GRM8: variants seen among roughly 807,000 people sequenced by gnomAD.
GRM8 encodes the protein metabotropic glutamate receptor 8.
A neutral mutation model predicts 87.2 loss-of-function variants in GRM8; 47 were observed. That is an observed-to-expected ratio of 0.54 (90% confidence interval 0.43 to 0.69). The LOEUF (loss-of-function observed/expected upper bound fraction) is 0.69. Among genes scored for constraint, GRM8 ranks in the 30% least tolerant of loss-of-function variants. GRM8 has a pLI of 0.00. For missense variants in GRM8, 1,019 were observed against 1,139.2 expected (o/e 0.89, Z 1.52); for synonymous variants, 396 against 404.5 (o/e 0.98, Z 0.25).
At chr7:126,935,458 G>C (rs1365128480) in intron 3 of GRM8, among the ~76,000 whole-genome samples, 1 of 152,200 alleles carries the variant, frequency 6.6e-6, no homozygotes, top group East Asian at 1.9e-4. Context: ...TCAACACCTA[G>C]GCAGGATGGC....
intron 3 of GRM8, among the ~76,000 whole-genome samples, chr7:127,006,227 C>G (rs1814282515): frequency 6.6e-6 from 1 of 151,964 alleles, no homozygotes; most frequent in Non-Finnish European, 1.5e-5. Flanking sequence ...ACCAACTCTT[C>G]ACAGCGCACT....
intron 3 of GRM8, among the ~76,000 whole-genome samples, chr7:127,048,176 C>T (rs903428292): frequency 2.0e-5 from 3 of 152,152 alleles, no homozygotes; most frequent in Admixed American, 2.0e-4. Context: ...GGGGAAAGAA[C>T]TACAGTTGTG....
intron 6 of GRM8, among the ~76,000 whole-genome samples, chr7:126,866,541 C>T (rs1798604319): frequency 6.8e-6 from 1 of 146,452 alleles, no homozygotes; most frequent in Non-Finnish European, 1.5e-5. Context: ...CTTTATGGCT[C>T]CAGATCTTAC....
At chr7:126,583,979 T>C (rs1040752467) in intron 8 of GRM8, among the ~76,000 whole-genome samples, 4 of 152,174 alleles carry the variant, frequency 2.6e-5, no homozygotes, top group Admixed American at 1.3e-4. Context: ...TCCATTTATA[T>C]GGCAAACTCA....
intron 3 of GRM8, among the ~76,000 whole-genome samples, chr7:126,957,723 G>T (rs1047919188): frequency 1.1e-4 from 16 of 152,232 alleles, no homozygotes; most frequent in Non-Finnish European, 1.2e-4. Flanking sequence ...GGATGGCGGT[G>T]GCTCAGTGTG....
intron 2 of GRM8, among the ~76,000 whole-genome samples, chr7:127,215,660 T>C (rs1796483469): frequency 6.6e-6 from 1 of 152,242 alleles, no homozygotes; most frequent in Non-Finnish European, 1.5e-5. Context: ...TTTTGTGAGC[T>C]TAGCTACATA....
In GRM8 at chr7:126,616,853, A is replaced by T. The variant is rs1010046611; in HGVS notation, c.1358-7355T>A. On this transcript the variant is annotated intron_variant, in intron 7 of 10. Transcript: ENST00000339582. ...AGAACTTGAATCCCTGAACAGACCA[A>T]TAACAGGCTCTGAAATTGAGGCAAT... 3.3e-5 allele frequency among the ~76,000 whole-genome samples: 5 copies of T among 152,220 alleles called. No homozygotes were observed. In the South Asian group the frequency reaches 8.3e-4, roughly 25 times the overall value.
chr7:126,572,982 A>T (rs1794808679), intron 8 of GRM8, among the ~76,000 whole-genome samples: 1 of 152,222 alleles, frequency 6.6e-6, no homozygotes, highest in African/African-American at 2.4e-5. Context: ...TGGAAACAAC[A>T]TTAAAATTTT....
intron 8 of GRM8, among the ~76,000 whole-genome samples, chr7:126,579,843 TG>T (rs1562972402): frequency 6.6e-6 from 1 of 152,120 alleles, no homozygotes; most frequent in Non-Finnish European, 1.5e-5. Flanking sequence ...TGTTAATCAA[TG>T]TTATAGAAAA....
At chr7:126,490,160 G>A (rs10248421) in intron 9 of GRM8, among the ~76,000 whole-genome samples, 6,110 of 152,054 alleles carry the variant, frequency 0.04, 388 homozygotes, top group African/African-American at 0.13. Flanking sequence ...CTATATCTGC[G>A]GCCTACTGGT....
Position 126,566,373 on chromosome 7 carries a change from C to T in GRM8, c.1495-32486G>A, listed in dbSNP as rs1012757071. ...AAAATATAGGCAGAATAGTTGAATA[C>T]ACATTTATCCAAAGAAGATCTACAA... On this transcript the variant is annotated intron_variant, in intron 8 of 10. Transcript: ENST00000339582. Among the ~76,000 whole-genome samples, 7 of 152,136 alleles carry T rather than the reference C, an allele frequency of 4.6e-5. 1 individual carries two copies. In the East Asian group the frequency reaches 1.4e-3, roughly 29 times the overall value.
chr7:126,686,733 C>T (rs897210007), intron 7 of GRM8, among the ~76,000 whole-genome samples: 1 of 152,294 alleles, frequency 6.6e-6, no homozygotes, highest in Non-Finnish European at 1.5e-5. Flanking sequence ...AGGATCCAGG[C>T]CAGTAGTGTA....
intron 3 of GRM8, among the ~76,000 whole-genome samples, chr7:126,994,751 GT>G (rs200902402): frequency 7.3e-5 from 11 of 150,476 alleles, no homozygotes; most frequent in Non-Finnish European, 1.5e-4. Context: ...AGATTTCTAA[GT>G]TTTTTTTTTA....
At chr7:126,581,678 C>T (rs1187361377) in intron 8 of GRM8, among the ~76,000 whole-genome samples, 1 of 151,984 alleles carries the variant, frequency 6.6e-6, no homozygotes, top group Non-Finnish European at 1.5e-5. Context: ...AGTTGAATGC[C>T]GAGCAAGTCT....
At chr7:127,021,678 G>T (rs1816282384) in intron 3 of GRM8, among the ~76,000 whole-genome samples, 3 of 151,962 alleles carry the variant, frequency 2.0e-5, no homozygotes, top group Admixed American at 1.3e-4. Flanking sequence ...GATGTCACTA[G>T]AAAAATCTAC....
chr7:126,599,375 G>A (rs538736769), intron 8 of GRM8, among the ~76,000 whole-genome samples: 3 of 152,072 alleles, frequency 2.0e-5, no homozygotes, highest in East Asian at 1.9e-4. Context: ...TGTGCTCCTC[G>A]GTTATACATT....
intron 3 of GRM8, among the ~76,000 whole-genome samples, chr7:127,085,354 T>C (rs139860286): frequency 2.5e-4 from 38 of 152,326 alleles, no homozygotes; most frequent in East Asian, 1.9e-3. Flanking sequence ...GGTCAAATAG[T>C]ATTTCTAGTT....
chr7:127,007,034 T>C (rs1158497495), intron 3 of GRM8, among the ~76,000 whole-genome samples: 1 of 151,960 alleles, frequency 6.6e-6, no homozygotes, highest in Non-Finnish European at 1.5e-5. Flanking sequence ...CTGGGATCCT[T>C]GATGGAAGGT....
At chr7:126,681,714 C>T (rs916823525) in intron 7 of GRM8, among the ~76,000 whole-genome samples, 1 of 152,188 alleles carries the variant, frequency 6.6e-6, no homozygotes, top group Non-Finnish European at 1.5e-5. Context: ...TAGATACATG[C>T]TTTAAGAGGC....
Sources: gnomAD v4.1 joint callset for allele counts (sites outside exome capture counted in the v4.1 genomes callset) on GRCh38, gnomAD v4.1.1 for gene constraint, MANE v1.5 for transcripts, NCBI Gene and HGNC (gene_info 2026-07-23, HGNC 2026-07-21) for gene names.